Variants in HSD17B12 observed in about 807,000 individuals in gnomAD.
HSD17B12 encodes the protein very-long-chain 3-oxoacyl-CoA reductase.
A neutral mutation model predicts 39.3 loss-of-function variants in HSD17B12; 32 were observed. The observed-to-expected ratio is 0.81, with a 90% CI of 0.61 to 1.09. The LOEUF (loss-of-function observed/expected upper bound fraction) is 1.09, where lower values mean the gene tolerates loss of function less well. Ranked by LOEUF, HSD17B12 falls within the 50% of genes least tolerant of loss-of-function variation. The probability of loss-of-function intolerance (pLI) is 0.00; values close to 1 mark genes in which losing one functional copy is unlikely to be tolerated. For synonymous variants in HSD17B12, 150 were observed against 146.7 expected, an observed-to-expected ratio of 1.02 and a Z score of -0.16; for missense variants, 342 against 382.9, an observed-to-expected ratio of 0.89 and a Z score of 0.89.
the HSD17B12 span, among the ~76,000 whole-genome samples, chr11:43,607,851 G>A: frequency 6.6e-6 from 1 of 152,226 alleles, no homozygotes; most frequent in Middle Eastern, 3.4e-3. Flanking sequence ...GCGGAAGAAC[G>A]GATTTTGAGA....
chr11:43,629,639 A>C, the HSD17B12 span, among the ~76,000 whole-genome samples: 3 of 152,198 alleles, frequency 2.0e-5, no homozygotes, highest in Admixed American at 1.3e-4. Context: ...CTTGGACCAC[A>C]GGCTCAATAG....
chr11:43,771,467 T>TC (rs1950648881), intron 3 of HSD17B12, among the ~76,000 whole-genome samples: 1 of 140,074 alleles, frequency 7.1e-6, no homozygotes, highest in Admixed American at 7.1e-5. Context: ...ATATTCTTTT[T>TC]TTTTTTTTTT....
intron 6 of HSD17B12, among the ~76,000 whole-genome samples, chr11:43,825,381 G>T (rs1009894502): frequency 1.3e-5 from 2 of 152,166 alleles, no homozygotes; most frequent in Non-Finnish European, 2.9e-5. Context: ...GGAAACATTT[G>T]TTTTTCTCAC....
intron 1 of HSD17B12, among the ~76,000 whole-genome samples, chr11:43,731,230 C>G (rs1226995911): frequency 6.6e-6 from 1 of 152,172 alleles, no homozygotes. Context: ...CTCCTGACCT[C>G]AGGTGATCTG....
At chr11:43,773,113 C>CA (rs1202386599) in intron 3 of HSD17B12, among the ~76,000 whole-genome samples, 12 of 152,064 alleles carry the variant, frequency 7.9e-5, no homozygotes, top group Non-Finnish European at 1.0e-4. Context: ...TGTCTCAAAA[C>CA]AAAAAACTCC....
intron 1 of HSD17B12, among the ~76,000 whole-genome samples, chr11:43,721,347 C>T (rs571612293): frequency 1.2e-3 from 190 of 152,102 alleles, no homozygotes; most frequent in African/African-American, 4.4e-3. Flanking sequence ...GGCTGAGCCT[C>T]GTGGCTGATG....
the HSD17B12 span, among the ~76,000 whole-genome samples, chr11:43,596,298 G>A: frequency 5.3e-5 from 8 of 152,034 alleles, no homozygotes; most frequent in Non-Finnish European, 1.2e-4. Flanking sequence ...GGTTAGAACT[G>A]TTCACCCTGA....
chr11:43,822,135 C>G (rs1951188919), intron 6 of HSD17B12, among the ~76,000 whole-genome samples: 1 of 152,068 alleles, frequency 6.6e-6, no homozygotes, highest in African/African-American at 2.4e-5. Context: ...GATGTTCTTA[C>G]CTTCTTTATT....
At chr11:43,806,336 A>T (rs1433724543) in intron 4 of HSD17B12, 3 of 152,206 alleles carry the variant, frequency 2.0e-5, no homozygotes. Context: ...TCCACTACTG[A>T]GTATATATCA....
At chr11:43,584,202 C>T in the HSD17B12 span, among the ~76,000 whole-genome samples, 1 of 152,190 alleles carries the variant, frequency 6.6e-6, no homozygotes, top group Non-Finnish European at 1.5e-5. Context: ...TATCCTCTTT[C>T]CCGGACCTGT....
intron 1 of HSD17B12, among the ~76,000 whole-genome samples, chr11:43,721,781 C>T (rs528633013): frequency 6.6e-6 from 1 of 152,130 alleles, no homozygotes; most frequent in African/African-American, 2.4e-5. Flanking sequence ...TCCTGTAGGA[C>T]ATAAAAAAAC....
the HSD17B12 span, among the ~76,000 whole-genome samples, chr11:43,672,752 A>T: frequency 6.6e-6 from 1 of 151,090 alleles, no homozygotes; most frequent in Non-Finnish European, 1.5e-5. Flanking sequence ...TGTTGGCCAG[A>T]CTGGTCACAA....
chr11:43,817,832 C>A (rs778643759), intron 6 of HSD17B12, among the ~76,000 whole-genome samples: 3 of 151,600 alleles, frequency 2.0e-5, no homozygotes, highest in African/African-American at 4.8e-5. Flanking sequence ...TGTGGACTTT[C>A]TTTTGGTTCC....
At chr11:43,597,011 G>A in the HSD17B12 span, among the ~76,000 whole-genome samples, 1 of 152,190 alleles carries the variant, frequency 6.6e-6, no homozygotes, top group East Asian at 1.9e-4. Context: ...GATATCTGTG[G>A]AAGTGCCTGG....
intron 1 of HSD17B12, among the ~76,000 whole-genome samples, chr11:43,712,714 G>A (rs929104165): frequency 6.6e-6 from 1 of 152,050 alleles, no homozygotes; most frequent in African/African-American, 2.4e-5. Context: ...TGTGTCATGG[G>A]TGCGTCCTTA....
At chr11:43,586,286 G>A in the HSD17B12 span, among the ~76,000 whole-genome samples, 4 of 152,182 alleles carry the variant, frequency 2.6e-5, no homozygotes, top group Non-Finnish European at 5.9e-5. Context: ...GGTTAGGTAT[G>A]GCTCTCATCT....
chr11:43,776,652 T>G (rs1006715598), intron 3 of HSD17B12, among the ~76,000 whole-genome samples: 9 of 152,238 alleles, frequency 5.9e-5, no homozygotes, highest in Non-Finnish European at 1.3e-4. Flanking sequence ...GCCATTGCTT[T>G]TGGTGTTTTA....
At chr11:43,676,572 G>A (rs1260767857), upstream of HSD17B12, among the ~76,000 whole-genome samples, 1 of 152,118 alleles carries the variant, frequency 6.6e-6, no homozygotes, top group Non-Finnish European at 1.5e-5. Flanking sequence ...GGTAGAGTAG[G>A]GTTAGGACTG....
At chr11:43,744,126 A>G (rs367832569) in intron 1 of HSD17B12, among the ~76,000 whole-genome samples, 2 of 152,178 alleles carry the variant, frequency 1.3e-5, no homozygotes. Flanking sequence ...AGTAAGATTA[A>G]TAGAGAAACT....
Sources: gnomAD v4.1 joint callset for allele counts (sites outside exome capture counted in the v4.1 genomes callset) on GRCh38, gnomAD v4.1.1 for gene constraint, MANE v1.5 for transcripts, NCBI Gene and HGNC (gene_info 2026-07-23, HGNC 2026-07-21) for gene names.